The following CADM2 variants were observed in gnomAD, a reference collection of about 807,000 sequenced individuals.
CADM2 encodes the protein cell adhesion molecule 2, also known as immunoglobulin superfamily member 4D.
A neutral mutation model predicts 49.8 loss-of-function variants in CADM2; 12 were observed. The observed-to-expected ratio is 0.24, with a 90% CI of 0.15 to 0.39. The LOEUF is 0.39. CADM2 is among the 10% of genes least tolerant of loss of function. CADM2 has a pLI of 1.00. For missense variants in CADM2, 378 were observed against 492.3 expected (o/e 0.77, Z 2.20); for synonymous variants, 214 against 175.4 (o/e 1.22, Z -1.74).
chr3:85,916,292 G>A (rs1434836517), intron 6 of CADM2, among the ~76,000 whole-genome samples: 1 of 151,728 alleles, frequency 6.6e-6, no homozygotes, highest in East Asian at 1.9e-4. Flanking sequence ...TTTAGCGTTA[G>A]GTATATCTCC....
chr3:85,862,061 T>G (rs2075557111), intron 3 of CADM2, among the ~76,000 whole-genome samples: 1 of 152,128 alleles, frequency 6.6e-6, no homozygotes, highest in African/African-American at 2.4e-5. Context: ...TTATGTAAGT[T>G]ATTCTTGCTT....
At chr3:85,146,540 T>A (rs2039748961) in intron 1 of CADM2, among the ~76,000 whole-genome samples, 1 of 152,222 alleles carries the variant, frequency 6.6e-6, no homozygotes. Flanking sequence ...GAATAACTAA[T>A]GTTGAATATT....
At chr3:85,651,645 G>A (rs1268950073) in intron 1 of CADM2, among the ~76,000 whole-genome samples, 34 of 151,860 alleles carry the variant, frequency 2.2e-4, no homozygotes. Flanking sequence ...TGTCTTCTTT[G>A]GAGGTTATAT....
chr3:85,967,637 A>G (rs141354151), intron 8 of CADM2, among the ~76,000 whole-genome samples: 122 of 151,750 alleles, frequency 8.0e-4, no homozygotes, highest in African/African-American at 2.9e-3. Context: ...CAATACAATG[A>G]AAAATGTCCT....
At chr3:85,199,370 T>TGA (rs59939815) in intron 1 of CADM2, among the ~76,000 whole-genome samples, 35 of 140,150 alleles carry the variant, frequency 2.5e-4, no homozygotes, top group East Asian at 4.1e-4. Context: ...TGTGTGTGTA[T>TGA]GAGAGAGAGA....
chr3:85,217,715 A>G (rs952823384), intron 1 of CADM2, among the ~76,000 whole-genome samples: 14 of 152,094 alleles, frequency 9.2e-5, no homozygotes, highest in Non-Finnish European at 1.8e-4. Context: ...CCATGAATGT[A>G]ATACTTCCAA....
At chr3:85,152,753 C>A (rs910678885) in intron 1 of CADM2, among the ~76,000 whole-genome samples, 45 of 151,868 alleles carry the variant, frequency 3.0e-4, no homozygotes, top group African/African-American at 1.1e-3. Flanking sequence ...GTCAGGAGAT[C>A]GAGACCATCC....
At chr3:85,735,869 GA>G (rs79170600) in intron 2 of CADM2, among the ~76,000 whole-genome samples, 32,106 of 152,008 alleles carry the variant, frequency 0.21, 4,171 homozygotes, top group Middle Eastern at 0.29. Context: ...AAGTTGAAGA[GA>G]CCTATTAAGC....
At chr3:85,840,512 A>G (rs188453636) in intron 3 of CADM2, among the ~76,000 whole-genome samples, 2 of 152,032 alleles carry the variant, frequency 1.3e-5, no homozygotes, top group East Asian at 3.9e-4. Flanking sequence ...TCAGCTTTTA[A>G]AGGTGCTAAA....
At chr3:85,742,609 G>C (rs2068442748) in intron 2 of CADM2, among the ~76,000 whole-genome samples, 1 of 152,090 alleles carries the variant, frequency 6.6e-6, no homozygotes, top group South Asian at 2.1e-4. Context: ...AAAAAAATTG[G>C]AGAAATCATG....
intron 1 of CADM2, among the ~76,000 whole-genome samples, chr3:85,391,761 A>G (rs2034530377): frequency 6.6e-6 from 1 of 152,072 alleles, no homozygotes. Context: ...AAGGTGATCT[A>G]CTCAGACGGT....
rs184299369 is a variant in CADM2, at chr3:85,303,229, C to T, written c.61+343561C>T. On this transcript the variant is annotated intron_variant, in intron 1 of 9. Coordinates refer to ENST00000383699, the MANE Select transcript of CADM2 (RefSeq NM_001167675.2). ...AAAAGAGCTGTATTTGTTGCCAATTCGAGAAATGTGTTTTCAAAACAAGGA... is the reference window on the plus strand; with the variant it reads ...AAAAGAGCTGTATTTGTTGCCAATTTGAGAAATGTGTTTTCAAAACAAGGA... Among the ~76,000 whole-genome samples the T allele has an allele frequency of 1.8e-3, 274 of 152,004 alleles. 1 individual carries two copies. Among genetic ancestry groups the T allele is most frequent in the African/African-American group, 6.3e-3 (263 of 41,512 alleles).
intron 1 of CADM2, among the ~76,000 whole-genome samples, chr3:85,206,529 G>A: frequency 6.6e-6 from 1 of 151,850 alleles, no homozygotes; most frequent in Non-Finnish European, 1.5e-5. Flanking sequence ...GGATGGTCTT[G>A]ATCACCTGAC....
chr3:85,535,154 G>A (rs1261235231), intron 1 of CADM2, among the ~76,000 whole-genome samples: 1 of 152,102 alleles, frequency 6.6e-6, no homozygotes, highest in Non-Finnish European at 1.5e-5. Flanking sequence ...TAGAAAAGCA[G>A]TATGTTAATT....
intron 1 of CADM2, among the ~76,000 whole-genome samples, chr3:84,994,186 A>G (rs960718425): frequency 9.9e-5 from 15 of 152,192 alleles, no homozygotes; most frequent in Admixed American, 1.3e-4. Context: ...AATTTGGCAC[A>G]GGCATCGCTT....
At chr3:85,998,878 A>G (rs570425087) in intron 8 of CADM2, among the ~76,000 whole-genome samples, 30 of 152,278 alleles carry the variant, frequency 2.0e-4, no homozygotes, top group African/African-American at 7.0e-4. Context: ...GGAAAGTAAA[A>G]TTGACAGATT....
At chr3:85,226,755 G>A (rs1449289486) in intron 1 of CADM2, among the ~76,000 whole-genome samples, 1 of 152,012 alleles carries the variant, frequency 6.6e-6, no homozygotes, top group African/African-American at 2.4e-5. Context: ...GCTTTATCTT[G>A]TGGGCATTTA....
chr3:85,178,029 G>A (rs2040831716), intron 1 of CADM2, among the ~76,000 whole-genome samples: 2 of 151,858 alleles, frequency 1.3e-5, no homozygotes, highest in African/African-American at 4.8e-5. Flanking sequence ...TATTGGAGAT[G>A]CAAATAATTT....
intron 1 of CADM2, among the ~76,000 whole-genome samples, chr3:85,497,686 A>T (rs1164832839): frequency 6.6e-6 from 1 of 152,108 alleles, no homozygotes; most frequent in Non-Finnish European, 1.5e-5. Context: ...TCTCCTAAAA[A>T]TCTATTATAT....
Sources: allele counts gnomAD v4.1 joint callset (sites outside exome capture counted in the v4.1 genomes callset), GRCh38; gene constraint gnomAD v4.1.1; transcripts MANE v1.5; gene names NCBI Gene and HGNC (gene_info 2026-07-23, HGNC 2026-07-21).